Variants in SPATA17 observed in about 807,000 individuals in gnomAD.
SPATA17 encodes spermatogenesis-associated protein 17.
In SPATA17, 53 loss-of-function variants were observed where a neutral mutation model predicts 62.2. The observed-to-expected ratio is 0.85, with a 90% CI of 0.68 to 1.07. The LOEUF (loss-of-function observed/expected upper bound fraction) is 1.07. SPATA17 is among the 50% of genes least tolerant of loss of function. The pLI is 0.00. For synonymous variants in SPATA17, 146 were observed against 146.8 expected (o/e 0.99, Z 0.04); for missense variants, 466 against 425.5 (o/e 1.10, Z -0.84).
chr1:217,840,670 G>T (rs1363072654), intron 9 of SPATA17, among the ~76,000 whole-genome samples: 4 of 151,778 alleles, frequency 2.6e-5, no homozygotes, highest in Non-Finnish European at 1.5e-5. Context: ...CCAGGCCTGG[G>T]CAACATGGCA....
chr1:217,725,772 G>A (rs116127107), intron 5 of SPATA17, among the ~76,000 whole-genome samples: 1 of 152,056 alleles, frequency 6.6e-6, no homozygotes, highest in South Asian at 2.1e-4. Context: ...CCCAGATTAT[G>A]TTTTTAAATA....
At chr1:217,726,292 A>T (rs182071859) in intron 5 of SPATA17, among the ~76,000 whole-genome samples, 1 of 152,316 alleles carries the variant, frequency 6.6e-6, no homozygotes, top group East Asian at 1.9e-4. Flanking sequence ...CTGCTCATAA[A>T]CTGGCTTTTG....
At chr1:217,735,779 C>A (rs1023495336) in intron 5 of SPATA17, among the ~76,000 whole-genome samples, 5 of 151,904 alleles carry the variant, frequency 3.3e-5, no homozygotes, top group African/African-American at 4.8e-5. Context: ...TATAAAGATT[C>A]TGTTTTTAGT....
intron 1 of SPATA17, among the ~76,000 whole-genome samples, chr1:217,637,217 A>T (rs566902974): frequency 6.6e-6 from 1 of 152,340 alleles, no homozygotes; most frequent in African/African-American, 2.4e-5. Context: ...CAATAATCTT[A>T]TAAGGTTATT....
At chr1:217,821,035 C>A (rs926926714) in intron 9 of SPATA17, among the ~76,000 whole-genome samples, 1 of 151,994 alleles carries the variant, frequency 6.6e-6, no homozygotes, top group African/African-American at 2.4e-5. Flanking sequence ...TTAATCCAAT[C>A]CCCCAGAACC....
At chr1:217,683,823 A>T (rs1671157592) in intron 5 of SPATA17, among the ~76,000 whole-genome samples, 1 of 151,846 alleles carries the variant, frequency 6.6e-6, no homozygotes, top group South Asian at 2.1e-4. Flanking sequence ...ACCTTAATTT[A>T]TTATTATTAT....
chr1:217,833,651 C>T (rs1194401191), intron 9 of SPATA17, among the ~76,000 whole-genome samples: 2 of 152,098 alleles, frequency 1.3e-5, no homozygotes, highest in African/African-American at 2.4e-5. Flanking sequence ...TACAGAGTGG[C>T]AAAGTGGGTT....
intron 8 of SPATA17, among the ~76,000 whole-genome samples, chr1:217,799,435 C>T (rs545694959): frequency 6.6e-6 from 1 of 152,254 alleles, no homozygotes; most frequent in South Asian, 2.1e-4. Context: ...TACTCAGGGA[C>T]ATTGGGGCCA....
intron 1 of SPATA17, among the ~76,000 whole-genome samples, chr1:217,642,980 G>T (rs1022256479): frequency 6.6e-6 from 1 of 152,082 alleles, no homozygotes; most frequent in African/African-American, 2.4e-5. Context: ...TCTTTCAGTG[G>T]ATGCACATTG....
intron 3 of SPATA17, among the ~76,000 whole-genome samples, chr1:217,658,671 T>C (rs7548501): frequency 0.21 from 31,223 of 151,890 alleles, 3,688 homozygotes; most frequent in African/African-American, 0.33. Context: ...GGCAGGAGAA[T>C]GGCGTGAACC....
intron 7 of SPATA17, among the ~76,000 whole-genome samples, chr1:217,775,737 A>T (rs1337006602): frequency 2.0e-5 from 3 of 152,094 alleles, no homozygotes; most frequent in Non-Finnish European, 4.4e-5. Flanking sequence ...CTATCTATAT[A>T]TATATAGATT....
chr1:217,643,226 G>C (rs1309432324), intron 1 of SPATA17, among the ~76,000 whole-genome samples: 1 of 151,896 alleles, frequency 6.6e-6, no homozygotes, highest in Non-Finnish European at 1.5e-5. Context: ...ATTATCTTTA[G>C]AATATTTACT....
intron 6 of SPATA17, among the ~76,000 whole-genome samples, chr1:217,742,672 T>G (rs983045094): frequency 6.6e-6 from 1 of 152,268 alleles, no homozygotes; most frequent in East Asian, 1.9e-4. Context: ...TCCTGGTTAC[T>G]AGGAAAGAAT....
intron 4 of SPATA17, among the ~76,000 whole-genome samples, chr1:217,677,377 A>G (rs867812811): frequency 6.6e-6 from 1 of 152,196 alleles, no homozygotes; most frequent in Admixed American, 6.5e-5. Flanking sequence ...TCAATCCCTT[A>G]AAGTACTTAC....
intron 9 of SPATA17, among the ~76,000 whole-genome samples, chr1:217,834,835 C>T (rs1215435940): frequency 6.6e-6 from 1 of 152,018 alleles, no homozygotes; most frequent in Non-Finnish European, 1.5e-5. Flanking sequence ...ATTCACTTAC[C>T]ACTCACTCAG....
chr1:217,857,162 C>T (rs367619788), intron 9 of SPATA17, among the ~76,000 whole-genome samples: 1 of 152,124 alleles, frequency 6.6e-6, no homozygotes, highest in African/African-American at 2.4e-5. Flanking sequence ...TATGGTGTAA[C>T]AGCGCTGTCC....
chr1:217,831,532 A>G (rs1432313758), intron 9 of SPATA17, among the ~76,000 whole-genome samples: 1 of 152,210 alleles, frequency 6.6e-6, no homozygotes, highest in African/African-American at 2.4e-5. Flanking sequence ...CTCAAGCTAT[A>G]TATGACTAGC....
At chr1:217,739,882 T>G (rs1478173148) in intron 5 of SPATA17, among the ~76,000 whole-genome samples, 1 of 152,146 alleles carries the variant, frequency 6.6e-6, no homozygotes, top group African/African-American at 2.4e-5. Context: ...ATTGGATGAA[T>G]TTATTAAATT....
At chr1:217,729,650 A>G (rs1162794191) in intron 5 of SPATA17, among the ~76,000 whole-genome samples, 1 of 152,196 alleles carries the variant, frequency 6.6e-6, no homozygotes, top group African/African-American at 2.4e-5. Context: ...GGTAGAAATT[A>G]TATAATAACA....
Sources: gnomAD v4.1 joint callset for allele counts (sites outside exome capture counted in the v4.1 genomes callset) on GRCh38, gnomAD v4.1.1 for gene constraint, MANE v1.5 for transcripts, NCBI Gene and HGNC (gene_info 2026-07-23, HGNC 2026-07-21) for gene names.